The following SNTG1 variants were observed in gnomAD, a reference collection of about 807,000 sequenced individuals.
The protein encoded by SNTG1 is syntrophin gamma 1.
In SNTG1, 39 loss-of-function variants were observed where a neutral mutation model predicts 74.7. The ratio of observed to expected loss-of-function variants is 0.52; its 90% CI spans 0.40 to 0.68. SNTG1 has a LOEUF of 0.68. SNTG1 is among the 30% of genes least tolerant of loss of function. The pLI, the probability that SNTG1 is intolerant of heterozygous loss-of-function variation, is 0.00. For synonymous variants in SNTG1, 254 were observed against 217.1 expected, an observed-to-expected ratio of 1.17 and a Z score of -1.49; for missense variants, 685 against 609.5, an observed-to-expected ratio of 1.12 and a Z score of -1.30.
chr8:50,642,436 A>T (rs2095079435), intron 13 of SNTG1, among the ~76,000 whole-genome samples: 1 of 152,158 alleles, frequency 6.6e-6, no homozygotes, highest in Non-Finnish European at 1.5e-5. Context: ...ACTAAAGCCA[A>T]AGATCTGTCA....
intron 1 of SNTG1, among the ~76,000 whole-genome samples, chr8:50,054,879 G>C (rs1285928116): frequency 6.6e-6 from 1 of 152,064 alleles, no homozygotes; most frequent in Non-Finnish European, 1.5e-5. Context: ...GTCTTGCTAT[G>C]TTGCTCAGGC....
intron 9 of SNTG1, among the ~76,000 whole-genome samples, chr8:50,525,627 A>T (rs1376481766): frequency 6.6e-6 from 1 of 151,844 alleles, no homozygotes; most frequent in Admixed American, 6.6e-5. Context: ...TGCTTGATAA[A>T]ATCTGCTATT....
intron 2 of SNTG1, among the ~76,000 whole-genome samples, chr8:50,318,057 C>T (rs890679110): frequency 4.6e-5 from 7 of 152,044 alleles, no homozygotes; most frequent in African/African-American, 1.7e-4. Flanking sequence ...AGGAAGGTCT[C>T]GATCTCCTGA....
rs977934165 is a variant in SNTG1 at position 50,739,172 on chromosome 8, A to G, written c.1285-12829A>G. ...GTTTTACAATCTATCAATCTCAAAA[A>G]GGGCTAATATCCAGAATCTACAAGG... On this transcript the variant is annotated intron_variant, in intron 17 of 18. Coordinates refer to ENST00000642720, the MANE Select transcript of SNTG1 (RefSeq NM_018967.5). 2.6e-5 allele frequency among the ~76,000 whole-genome samples: 4 copies of G among 152,118 alleles called. No individual in the cohort carries two copies. The East Asian group carries it at 5.8e-4, about 22-fold the overall frequency.
chr8:50,010,481 C>T (rs1251021455), intron 1 of SNTG1, among the ~76,000 whole-genome samples: 1 of 152,012 alleles, frequency 6.6e-6, no homozygotes, highest in Non-Finnish European at 1.5e-5. Context: ...AATCAAATGT[C>T]TGACTTCATA....
intron 1 of SNTG1, among the ~76,000 whole-genome samples, chr8:50,030,794 C>A (rs1294906036): frequency 6.6e-6 from 1 of 151,882 alleles, no homozygotes; most frequent in African/African-American, 2.4e-5. Flanking sequence ...CCTTATTCTT[C>A]TTTTCAAAAT....
chr8:50,009,775 A>C (rs1002548964), intron 1 of SNTG1, among the ~76,000 whole-genome samples: 1 of 152,100 alleles, frequency 6.6e-6, no homozygotes, highest in African/African-American at 2.4e-5. Flanking sequence ...AGGTGGGTGG[A>C]TCATCTGAGA....
intron 2 of SNTG1, among the ~76,000 whole-genome samples, chr8:50,277,426 A>G (rs918285436): frequency 2.6e-5 from 4 of 152,198 alleles, no homozygotes; most frequent in Admixed American, 6.5e-5. Flanking sequence ...TCAGACACAG[A>G]CAAATTATAT....
rs918867993 is a variant in SNTG1 at position 50,749,540 on chromosome 8, AGAG to A, written c.1285-2457_1285-2455del. On this transcript the variant is annotated intron_variant, in intron 17 of 18. Coordinates refer to ENST00000642720, the MANE Select transcript of SNTG1 (RefSeq NM_018967.5). ...TGCCATCTGAAACTTTCATAGGTAG[AGAG>A]GAGAAGTCAATGTCTGGCTTCAAAA... Among the ~76,000 whole-genome samples the A allele has an allele frequency of 5.7e-4, 87 of 152,158 alleles. 1 individual carries two copies. Among genetic ancestry groups the A allele is most frequent in the Non-Finnish European group, 6.5e-4 (44 of 67,966 alleles).
Position 50,569,383 on chromosome 8 carries a change from A to G in SNTG1, c.810+16204A>G, listed in dbSNP as rs144774339. On this transcript the variant is annotated intron_variant, in intron 12 of 18. Coordinates refer to ENST00000642720, the MANE Select transcript of SNTG1 (RefSeq NM_018967.5). ...TCACCCATCTTTCTATATTTTACACACTTACGTGCAGAAGTGAAAAAAAAA... is the reference window on the plus strand; with the variant it reads ...TCACCCATCTTTCTATATTTTACACGCTTACGTGCAGAAGTGAAAAAAAAA... 5.4e-3 allele frequency among the ~76,000 whole-genome samples: 815 copies of G among 151,408 alleles called. 7 individuals carry two copies. Among genetic ancestry groups the G allele is most frequent in the African/African-American group, 0.018 (756 of 41,072 alleles).
At chr8:50,667,976 G>T (rs1430301057) in intron 15 of SNTG1, among the ~76,000 whole-genome samples, 1 of 152,040 alleles carries the variant, frequency 6.6e-6, no homozygotes, top group Non-Finnish European at 1.5e-5. Flanking sequence ...TACAGGCCGT[G>T]CACTTAGGTT....
chr8:49,955,695 G>A (rs1320502181), intron 1 of SNTG1, among the ~76,000 whole-genome samples: 1 of 152,218 alleles, frequency 6.6e-6, no homozygotes, highest in Non-Finnish European at 1.5e-5. Context: ...ACTCTCCTCA[G>A]TAAAAGACAA....
At chr8:50,006,414 A>G (rs318918) in intron 1 of SNTG1, among the ~76,000 whole-genome samples, 124,278 of 152,196 alleles carry the variant, frequency 0.82, 50,918 homozygotes, top group East Asian at 0.95. Context: ...TTGTTTAATT[A>G]TTGGTGTTCT....
intron 5 of SNTG1, among the ~76,000 whole-genome samples, chr8:50,447,583 CTTCATTCA>C (rs199975715): frequency 0.048 from 7,374 of 152,210 alleles, 240 homozygotes; most frequent in Middle Eastern, 0.1. Context: ...AAGCCGTAGA[CTTCATTCA>C]TTCATTCATT....
In SNTG1 at chr8:50,172,590, A is replaced by G. The variant is rs1444243995; in HGVS notation, c.-73A>G. The G allele has an allele frequency of 6.6e-6, 1 of 152,098 alleles. No individual in the cohort carries two copies. Among genetic ancestry groups the G allele is most frequent in the Non-Finnish European group, 1.5e-5 (1 of 68,026 alleles). 9.4% of individuals were successfully genotyped at this position (152,098 alleles called of 1,614,324 possible). A position where few individuals can be genotyped will look rare whatever the true frequency, so the allele number is the denominator to read the frequency against. Reference sequence around the variant, plus strand: ...CTCTCCAGAATGTTGAGATTGCCCGAGAAGTGACCCCAGCAAAAGAAAAAT... The same window carrying G: ...CTCTCCAGAATGTTGAGATTGCCCGGGAAGTGACCCCAGCAAAAGAAAAAT... On this transcript the variant is annotated 5_prime_UTR_variant, in exon 2 of 19. Coordinates refer to ENST00000642720, the MANE Select transcript of SNTG1 (RefSeq NM_018967.5).
chr8:50,195,739 G>A (rs1487456873), intron 2 of SNTG1, among the ~76,000 whole-genome samples: 1 of 152,162 alleles, frequency 6.6e-6, no homozygotes, highest in African/African-American at 2.4e-5. Flanking sequence ...GTGTTCTGGA[G>A]AGAAGGGTCT....
At chr8:50,378,107 G>T (rs2092420516) in intron 2 of SNTG1, among the ~76,000 whole-genome samples, 1 of 152,226 alleles carries the variant, frequency 6.6e-6, no homozygotes, top group Non-Finnish European at 1.5e-5. Flanking sequence ...AGTCATGCAT[G>T]AAGTGGCAAG....
chr8:50,350,448 A>G (rs566990743), intron 2 of SNTG1, among the ~76,000 whole-genome samples: 69 of 152,250 alleles, frequency 4.5e-4, no homozygotes, highest in African/African-American at 1.5e-3. Context: ...ACCAATGGGC[A>G]CTCTGTATCT....
At position 50,675,929 on chromosome 8, in the gene SNTG1, C is replaced by A. The variant is rs2095307840; in HGVS notation, c.1038+17266C>A. Among the ~76,000 whole-genome samples the A allele has an allele frequency of 2.0e-5, 3 of 151,258 alleles. No homozygotes were observed. The South Asian group carries it at 6.2e-4, about 31-fold the overall frequency. On this transcript the variant is annotated intron_variant, in intron 15 of 18. Coordinates refer to ENST00000642720, the MANE Select transcript of SNTG1 (RefSeq NM_018967.5). The stretch of plus-strand genomic sequence containing the variant: ...CCTTTGTTTATGAAGCTTAGTTTGA[C>A]TGGATATGTAACAATGTTGAATATT...
Sources: gnomAD v4.1 joint callset for allele counts (sites outside exome capture counted in the v4.1 genomes callset) on GRCh38, gnomAD v4.1.1 for gene constraint, MANE v1.5 for transcripts, NCBI Gene and HGNC (gene_info 2026-07-23, HGNC 2026-07-21) for gene names.